Variants in JAK2 observed in about 807,000 individuals in gnomAD.
The protein encoded by JAK2 is Janus kinase 2, also known as tyrosine-protein kinase JAK2.
JAK2 carries 86 observed loss-of-function variants against 139.3 expected under a neutral mutation model. The observed-to-expected ratio is 0.62, with a 90% CI of 0.52 to 0.74. The LOEUF (loss-of-function observed/expected upper bound fraction) is 0.74, where lower values mean the gene tolerates loss of function less well. JAK2 is among the 30% of genes least tolerant of loss of function. JAK2 has a pLI of 0.00. For synonymous variants in JAK2, 490 were observed against 437.7 expected, an observed-to-expected ratio of 1.12 and a Z score of -1.49; for missense variants, 1,421 against 1,360.3, an observed-to-expected ratio of 1.04 and a Z score of -0.70.
chr9:5,080,552 A>G lies in JAK2; in HGVS notation c.2303A>G (p.Asp768Gly). 1 of 1,594,184 alleles carries G rather than the reference A, an allele frequency of 6.3e-7. No homozygotes were observed. The highest frequency in any genetic ancestry group is 1.2e-5 in the South Asian group (1 of 85,870). Residue 768 changes from aspartate (D) to glycine (G), a missense_variant, in exon 18 of 25, where the codon GAT (aspartate) becomes GGT (glycine). Transcript: ENST00000381652. ...TTATAGAAGCTACAATTTTATGAAGATAGGCATCAGCTTCCTGCACCAAAG... is the reference window on the plus strand; with the variant it reads ...TTATAGAAGCTACAATTTTATGAAGGTAGGCATCAGCTTCCTGCACCAAAG... ...DSQRKLQFYE[D>G]RHQLPAPKWA... is the part of the protein sequence containing the mutation.
chr9:4,991,536 C>CA (rs1820245722), intron 2 of JAK2, among the ~76,000 whole-genome samples: 1 of 152,138 alleles, frequency 6.6e-6, no homozygotes, highest in South Asian at 2.1e-4. Context: ...TCAGGCAACT[C>CA]ACGTAATCAG....
At chr9:5,070,684 G>T (rs767800669) in intron 12 of JAK2, among the ~76,000 whole-genome samples, 7 of 151,826 alleles carry the variant, frequency 4.6e-5, no homozygotes, top group Non-Finnish European at 8.8e-5. Flanking sequence ...TGCAGAACCC[G>T]CCCTGCCAGT....
At chr9:5,121,726 A>G (rs111578703) in intron 22 of JAK2, among the ~76,000 whole-genome samples, 2,332 of 152,292 alleles carry the variant, frequency 0.015, 27 homozygotes, top group Non-Finnish European at 0.024. Flanking sequence ...AAGAACAAAG[A>G]AGGAGGAGTC....
intron 8 of JAK2, among the ~76,000 whole-genome samples, chr9:5,057,629 C>A (rs78897788): frequency 7.3e-6 from 1 of 136,804 alleles, no homozygotes; most frequent in African/African-American, 2.9e-5. Flanking sequence ...GTCATCCAGG[C>A]TGGAGCACAA....
At chr9:5,069,323 T>TA in intron 11 of JAK2, 115 bp downstream of exon 11, 1 of 652,526 alleles carries the variant, frequency 1.5e-6, no homozygotes. Flanking sequence ...CTCTAAAAGT[T>TA]AATTTTATCT....
At position 5,054,904 on chromosome 9, in the gene JAK2, T is replaced by G; in HGVS notation, c.936+20T>G. ...GAACAGGTAATCCTTAATGATATGT[T>G]CTTGTTCTTTGTTATTTTAAGTACA... is the stretch of plus-strand genomic sequence containing the variant. On this transcript the variant is annotated intron_variant, in intron 7 of 24. Transcript: ENST00000381652. This position sits in a 1 kb window ranked among gnomAD's most constrained non-coding sequence, Gnocchi z 4.9. The G allele has an allele frequency of 2.7e-6, 4 of 1,501,100 alleles. No individual in the cohort carries two copies. The highest frequency in any genetic ancestry group is 1.4e-5 in the African/African-American group (1 of 70,964). 93.0% of individuals were successfully genotyped at this position (1,501,100 alleles called of 1,614,324 possible). A position where few individuals can be genotyped will look rare whatever the true frequency, so the allele number is the denominator to read the frequency against.
Position 5,026,846 on chromosome 9 carries a change from T to C in JAK2, c.227-2937T>C, listed in dbSNP as rs75804483. Among the ~76,000 whole-genome samples, 329 of 152,362 alleles carry C rather than the reference T, an allele frequency of 2.2e-3. 2 individuals carry two copies. Among genetic ancestry groups the C allele is most frequent in the African/African-American group, 7.3e-3 (302 of 41,582 alleles). On this transcript the variant is annotated intron_variant, in intron 3 of 24. Coordinates refer to ENST00000381652, the MANE Select transcript of JAK2 (RefSeq NM_004972.4). ...TTCAACCATTTGTTGATGTACCTTC[T>C]AAAATATCTTTTAAGAAATTACATA...
intron 22 of JAK2, chr9:5,094,072 C>G (rs1820791074): frequency 6.6e-6 from 1 of 152,158 alleles, no homozygotes; most frequent in African/African-American, 2.4e-5. Context: ...ACTTTACAAT[C>G]AAAGGTTCAA....
chr9:5,069,197 C>G lies in JAK2; in HGVS notation c.1502C>G (p.Pro501Arg). ...IIFQFTKCCP[P>R]KPKDKSNLLV... is the part of the protein sequence containing the mutation. ...TTCCAGTTTACTAAATGCTGTCCCC[C>G]AAAGCCAAAAGGTAAGATAATTTTC... The change falls in exon 11 of 25, where the codon CCA becomes CGA. Residue 501 changes from proline (P) to arginine (R), a missense_variant. Physicochemically the swap from Pro to Arg is moderately radical, Grantham distance 103. Coordinates refer to ENST00000381652, the MANE Select transcript of JAK2 (RefSeq NM_004972.4). The G allele has an allele frequency of 6.3e-7, 1 of 1,599,702 alleles. No homozygotes were observed. Among genetic ancestry groups the G allele is most frequent in the African/African-American group, 1.4e-5 (1 of 74,056 alleles).
chr9:4,993,880 A>G (rs566160195), intron 2 of JAK2, among the ~76,000 whole-genome samples: 62 of 152,276 alleles, frequency 4.1e-4, no homozygotes, highest in African/African-American at 1.4e-3. Flanking sequence ...GGGTGCTCCA[A>G]TTTCCTCCCA....
At chr9:5,015,106 A>G (rs1024247596) in intron 2 of JAK2, among the ~76,000 whole-genome samples, 68 of 152,176 alleles carry the variant, frequency 4.5e-4, no homozygotes, top group Non-Finnish European at 4.0e-4. Flanking sequence ...GCATAAAGCT[A>G]TAGTTCATTT....
At chr9:5,039,896 T>C (rs1211834010) in intron 4 of JAK2, among the ~76,000 whole-genome samples, 1 of 152,208 alleles carries the variant, frequency 6.6e-6, no homozygotes, top group Non-Finnish European at 1.5e-5. Flanking sequence ...CCTTAATTGA[T>C]CTGTATGTTC....
At chr9:5,112,049 C>T (rs1253089310) in intron 22 of JAK2, 3 of 408,276 alleles carry the variant, frequency 7.3e-6, no homozygotes, top group African/African-American at 4.2e-5. Flanking sequence ...CACCCAGCTA[C>T]GACGGGGGTC....
At chr9:5,069,631 A>T (rs1818808280) in intron 11 of JAK2, among the ~76,000 whole-genome samples, 1 of 152,132 alleles carries the variant, frequency 6.6e-6, no homozygotes, top group Admixed American at 6.5e-5. Context: ...AAATTGTATG[A>T]GTTAAGGAAG....
intron 10 of JAK2, among the ~76,000 whole-genome samples, chr9:5,068,754 T>C (rs1818742863): frequency 6.6e-6 from 1 of 152,238 alleles, no homozygotes; most frequent in Admixed American, 6.5e-5. Context: ...TGGAAAACTA[T>C]TAAGGATGGT....
At chr9:5,019,951 T>G (rs1217327477) in intron 2 of JAK2, among the ~76,000 whole-genome samples, 3 of 152,184 alleles carry the variant, frequency 2.0e-5, no homozygotes, top group Non-Finnish European at 4.4e-5. Flanking sequence ...TGCCTGTACA[T>G]TAGCCCCAGG....
chr9:5,008,501 C>G (rs2129929696), intron 2 of JAK2, among the ~76,000 whole-genome samples: 1 of 152,210 alleles, frequency 6.6e-6, no homozygotes, highest in East Asian at 1.9e-4. Flanking sequence ...AGTAAATGTT[C>G]TAAAGAAATA....
At chr9:5,030,911 A>T (rs191215778) in intron 4 of JAK2, among the ~76,000 whole-genome samples, 223 of 152,300 alleles carry the variant, frequency 1.5e-3, no homozygotes, top group Non-Finnish European at 2.6e-3. Context: ...GTTCAAAGAA[A>T]TAATAGATGT....
chr9:5,081,754 T>C lies in JAK2; in HGVS notation c.2464T>C (p.Leu822=), dbSNP rs1331771549. 5.6e-6 allele frequency: 9 copies of C among 1,599,896 alleles called. No individual in the cohort carries two copies. The highest frequency in any genetic ancestry group is 1.3e-5 in the African/African-American group (1 of 74,392). ...TGAACTATTAACAGAAAATGACATG[T>C]TACCAAATATGAGGATAGGTGCCCT... is the stretch of plus-strand genomic sequence containing the variant. ...DYELLTENDM[L]PNMRIGALGF... is the part of the protein sequence containing the mutation. Residue 822 remains leucine, a synonymous_variant, in exon 19 of 25, where the codon TTA becomes CTA. Transcript: ENST00000381652.
Sources: allele counts gnomAD v4.1 joint callset (sites outside exome capture counted in the v4.1 genomes callset), GRCh38; gene constraint gnomAD v4.1.1; non-coding constraint Gnocchi (gnomAD v3.1); transcripts MANE v1.5; gene names NCBI Gene and HGNC (gene_info 2026-07-23, HGNC 2026-07-21).